The following ANKH variants were observed in gnomAD, a reference collection of about 807,000 sequenced individuals.
The protein encoded by ANKH is mineralization regulator ANKH.
A neutral mutation model predicts 49.0 loss-of-function variants in ANKH; 15 were observed. That is an observed-to-expected ratio of 0.31 (90% CI 0.20 to 0.47). The LOEUF is 0.47. Ranked by LOEUF, ANKH falls within the 20% of genes least tolerant of loss-of-function variation. The pLI is 1.00. For synonymous variants in ANKH, 273 were observed against 260.0 expected, an observed-to-expected ratio of 1.05 and a Z score of -0.48; for missense variants, 429 against 652.0, an observed-to-expected ratio of 0.66 and a Z score of 3.72.
intron 1 of ANKH, among the ~76,000 whole-genome samples, chr5:14,849,171 G>T (rs976396234): frequency 6.6e-6 from 1 of 152,186 alleles, no homozygotes; most frequent in Non-Finnish European, 1.5e-5. Flanking sequence ...CAGTCGCTAA[G>T]GAACTAGTAC....
intron 1 of ANKH, among the ~76,000 whole-genome samples, chr5:14,848,471 G>C (rs747749619): frequency 1.1e-4 from 16 of 152,268 alleles, no homozygotes; most frequent in Non-Finnish European, 2.1e-4. Context: ...TCTTGCAACT[G>C]CACACTCTTC....
intron 1 of ANKH, among the ~76,000 whole-genome samples, chr5:14,806,245 G>A (rs551287700): frequency 5.7e-4 from 87 of 151,748 alleles, no homozygotes; most frequent in Admixed American, 5.6e-3. Context: ...AGCAGCTCTT[G>A]CCCCTCACGA....
chr5:14,832,855 G>A (rs1025869490), intron 1 of ANKH, among the ~76,000 whole-genome samples: 4 of 152,106 alleles, frequency 2.6e-5, no homozygotes, highest in South Asian at 4.1e-4. Flanking sequence ...TATGGCTATC[G>A]AGATACTGAA....
chr5:14,797,872 G>A (rs763083137), intron 1 of ANKH: 6 of 1,611,802 alleles, frequency 3.7e-6, no homozygotes, highest in Non-Finnish European at 4.2e-6. Flanking sequence ...CCTTCCTTCT[G>A]ATGTCCACGG....
chr5:14,818,467 C>G (rs1741102989), intron 1 of ANKH, among the ~76,000 whole-genome samples: 1 of 151,770 alleles, frequency 6.6e-6, no homozygotes, highest in Non-Finnish European at 1.5e-5. Flanking sequence ...CATGGTGAAC[C>G]CCTATCTCTA....
intron 1 of ANKH, among the ~76,000 whole-genome samples, chr5:14,773,546 C>T (rs1450148822): frequency 6.6e-6 from 1 of 151,866 alleles, no homozygotes; most frequent in Non-Finnish European, 1.5e-5. Context: ...TTTCATTTAG[C>T]CCAACAATTA....
At position 14,750,987 on chromosome 5, in the gene ANKH, T is replaced by C; in HGVS notation, c.687+82A>G. 3 of 1,554,282 alleles carry C rather than the reference T, an allele frequency of 1.9e-6. No individual in the cohort carries two copies. In the South Asian group the frequency reaches 3.4e-5, roughly 18 times the overall value. On this transcript the variant is annotated intron_variant, in intron 5 of 11. Coordinates refer to ENST00000284268, the MANE Select transcript of ANKH (RefSeq NM_054027.6). ...CAACTTCATGTTTTGATGTCACTGA[T>C]TTCTCATTTTACATAGAGGTGGAAT...
intron 7 of ANKH, among the ~76,000 whole-genome samples, chr5:14,744,564 C>CGTGT (rs58357814): frequency 6.6e-6 from 1 of 151,914 alleles, no homozygotes; most frequent in Non-Finnish European, 1.5e-5. Flanking sequence ...TGGAGGTGGA[C>CGTGT]GTGTGTGTGT....
chr5:14,795,707 A>C (rs1740351932), intron 1 of ANKH, among the ~76,000 whole-genome samples: 1 of 152,118 alleles, frequency 6.6e-6, no homozygotes, highest in South Asian at 2.1e-4. Flanking sequence ...AATACGAAAC[A>C]AATTAGTCGG....
At chr5:14,781,159 C>T (rs1360899995) in intron 1 of ANKH, among the ~76,000 whole-genome samples, 2 of 152,142 alleles carry the variant, frequency 1.3e-5, no homozygotes, top group Admixed American at 1.3e-4. Context: ...ATTTGTCTTC[C>T]CGGTAGTTTT....
chr5:14,845,368 T>TATATATATATA (rs1561081247), intron 1 of ANKH, among the ~76,000 whole-genome samples: 3 of 20,156 alleles, frequency 1.5e-4, no homozygotes, highest in Non-Finnish European at 4.8e-4. Context: ...ATATATATAT[T>TATATATATATA]TTTTTTTTTA....
At chr5:14,843,861 C>T (rs552425256) in intron 1 of ANKH, among the ~76,000 whole-genome samples, 2 of 152,294 alleles carry the variant, frequency 1.3e-5, no homozygotes, top group East Asian at 3.9e-4. Context: ...CAGACAGTAC[C>T]ATTCATACAC....
chr5:14,827,144 C>T (rs1193121884), intron 1 of ANKH, among the ~76,000 whole-genome samples: 4 of 152,264 alleles, frequency 2.6e-5, no homozygotes, highest in African/African-American at 9.6e-5. Context: ...GCAGTTCGCA[C>T]ACTCCAGTCC....
chr5:14,855,903 A>G (rs915396571), intron 1 of ANKH, among the ~76,000 whole-genome samples: 4 of 151,112 alleles, frequency 2.6e-5, no homozygotes, highest in Non-Finnish European at 5.9e-5. Context: ...TAAGTGCCCC[A>G]ATCATCTGTC....
intron 2 of ANKH, among the ~76,000 whole-genome samples, chr5:14,766,088 A>G (rs1486654314): frequency 6.6e-6 from 1 of 152,128 alleles, no homozygotes; most frequent in Non-Finnish European, 1.5e-5. Context: ...AAAGATAAGG[A>G]AAAATTAGAC....
intron 1 of ANKH, among the ~76,000 whole-genome samples, chr5:14,789,713 T>TTCTC (rs148388912): frequency 1.3e-5 from 2 of 150,486 alleles, no homozygotes; most frequent in African/African-American, 2.4e-5. Context: ...GCAGTACACA[T>TTCTC]TCTCTCTCTC....
rs372293296 is a variant in ANKH at position 14,733,505 on chromosome 5, GTTT to G, written c.1011+8319_1011+8321del. Among the ~76,000 whole-genome samples, 539 of 152,260 alleles carry G rather than the reference GTTT, an allele frequency of 3.5e-3. 2 individuals are homozygous for G. The highest frequency in any genetic ancestry group is 0.013 in the African/African-American group (524 of 41,538). ...GTGAAGTCTCTCCTGTGCCCAGAGT[GTTT>G]TTTGATTGTTTTCTTTTGTTCCTGT... On this transcript the variant is annotated intron_variant, in intron 8 of 11. Transcript: ENST00000284268.
intron 8 of ANKH, among the ~76,000 whole-genome samples, chr5:14,727,993 G>T (rs962627663): frequency 6.6e-6 from 1 of 152,216 alleles, no homozygotes; most frequent in Non-Finnish European, 1.5e-5. Context: ...CTTAGGTAGA[G>T]TTTTAGGGAC....
intron 11 of ANKH, among the ~76,000 whole-genome samples, chr5:14,712,259 GCTGCCCCGGCCTGTTCACTCT>G (rs1737246441): frequency 6.6e-6 from 1 of 152,210 alleles, no homozygotes; most frequent in Admixed American, 6.5e-5. Context: ...CCGTCACTCT[GCTGCCCCGGCCTGTTCACTCT>G]GCTACTCTCT....
Sources: allele counts gnomAD v4.1 joint callset (sites outside exome capture counted in the v4.1 genomes callset), GRCh38; gene constraint gnomAD v4.1.1; transcripts MANE v1.5; gene names NCBI Gene and HGNC (gene_info 2026-07-23, HGNC 2026-07-21).